The following SDK1 variants were observed in gnomAD, a reference collection of about 807,000 sequenced individuals.
The protein encoded by SDK1 is protein sidekick-1.
A neutral mutation model predicts 245.5 loss-of-function variants in SDK1; 157 were observed. That is an observed-to-expected ratio of 0.64 (90% CI 0.56 to 0.73). The LOEUF is 0.73. Ranked by LOEUF, SDK1 falls within the 30% of genes least tolerant of loss-of-function variation. SDK1 has a pLI of 0.00. For missense variants in SDK1, 3,583 were observed against 3,002.3 expected, an observed-to-expected ratio of 1.19 and a Z score of -4.52; for synonymous variants, 1,647 against 1,278.5, an observed-to-expected ratio of 1.29 and a Z score of -6.15.
rs774714368 is a variant in SDK1 at position 3,962,645 on chromosome 7, A to G, written c.1235-12A>G. 6.3e-7 allele frequency: 1 copy of G among 1,588,668 alleles called. No individual in the cohort carries two copies. The highest frequency in any genetic ancestry group is 8.6e-7 in the Non-Finnish European group (1 of 1,165,596). ...TATTTTTAAAATCCTATTTATTCCC[A>G]TTCCTACGCAGGGGTCCCCCTTCCC... On this transcript the variant is annotated splice_polypyrimidine_tract_variant and intron_variant, in intron 8 of 44. Transcript: ENST00000404826.
At chr7:3,626,774 A>G (rs1351670330) in intron 2 of SDK1, among the ~76,000 whole-genome samples, 1 of 152,190 alleles carries the variant, frequency 6.6e-6, no homozygotes, top group Non-Finnish European at 1.5e-5. Context: ...AGTAGGATGA[A>G]TTAGAGTCAA....
chr7:3,972,725 C>T (rs896197734), intron 12 of SDK1, among the ~76,000 whole-genome samples: 4 of 152,182 alleles, frequency 2.6e-5, no homozygotes, highest in African/African-American at 9.6e-5. Context: ...CAGTCAGCAG[C>T]GGGACGCGGA....
chr7:4,237,806 C>T (rs778115465), intron 42 of SDK1, 22 bp downstream of exon 42: 3 of 1,613,400 alleles, frequency 1.9e-6, no homozygotes, highest in South Asian at 1.1e-5. Context: ...GCCCCTTCCT[C>T]GCGTGTCCCA....
intron 1 of SDK1, among the ~76,000 whole-genome samples, chr7:3,466,982 AC>A: frequency 2.8e-5 from 1 of 36,026 alleles, no homozygotes; most frequent in African/African-American, 7.7e-5. Flanking sequence ...CTCTCTCTAC[AC>A]ACACACACAC....
chr7:3,828,813 G>A (rs1779843771), intron 5 of SDK1, among the ~76,000 whole-genome samples: 1 of 151,662 alleles, frequency 6.6e-6, no homozygotes, highest in Non-Finnish European at 1.5e-5. Flanking sequence ...CACCATACCT[G>A]GCTAATTTTT....
intron 1 of SDK1, among the ~76,000 whole-genome samples, chr7:3,406,981 G>A (rs1478252272): frequency 2.0e-5 from 3 of 146,370 alleles, no homozygotes; most frequent in Non-Finnish European, 4.5e-5. Flanking sequence ...GAATAAACTA[G>A]AGTGGATGAG....
At chr7:3,732,610 A>G (rs997949657) in intron 4 of SDK1, among the ~76,000 whole-genome samples, 7 of 152,220 alleles carry the variant, frequency 4.6e-5, no homozygotes, top group Admixed American at 1.3e-4. Flanking sequence ...CTCGGGAAGC[A>G]TTCAAAGAGA....
intron 17 of SDK1, among the ~76,000 whole-genome samples, chr7:4,020,509 A>G (rs1485106551): frequency 6.6e-6 from 1 of 152,158 alleles, no homozygotes; most frequent in Non-Finnish European, 1.5e-5. Flanking sequence ...TGGGGAGGTG[A>G]AGGGAAGACG....
chr7:3,473,079 G>A lies in SDK1; in HGVS notation c.299-146001G>A, dbSNP rs576181657. Among the ~76,000 whole-genome samples, 8 of 152,164 alleles carry A rather than the reference G, an allele frequency of 5.3e-5. No individual in the cohort carries two copies. The South Asian group carries it at 1.0e-3, about 20-fold the overall frequency. Reference sequence around the variant, plus strand: ...CATTTGCATGGCTTCTTACGATTTTGAAATTGTTTTCATATGTACACATTT... The same window carrying A: ...CATTTGCATGGCTTCTTACGATTTTAAAATTGTTTTCATATGTACACATTT... On this transcript the variant is annotated intron_variant, in intron 1 of 44. Coordinates refer to ENST00000404826, the MANE Select transcript of SDK1 (RefSeq NM_152744.4).
intron 13 of SDK1, among the ~76,000 whole-genome samples, chr7:3,977,758 C>T (rs181628442): frequency 1.2e-4 from 18 of 152,378 alleles, no homozygotes; most frequent in Non-Finnish European, 1.8e-4. Context: ...CCTCCTGGAA[C>T]AGAAGCACCT....
intron 13 of SDK1, among the ~76,000 whole-genome samples, chr7:3,982,486 G>A (rs1783487262): frequency 6.6e-6 from 1 of 152,166 alleles, no homozygotes; most frequent in Admixed American, 6.5e-5. Context: ...TTCCTCTGAT[G>A]GATCTGGGCA....
chr7:3,970,119 C>T (rs1782373573), intron 11 of SDK1, among the ~76,000 whole-genome samples: 1 of 152,214 alleles, frequency 6.6e-6, no homozygotes, highest in Non-Finnish European at 1.5e-5. Context: ...TGTCTCATCT[C>T]AATCTGTACT....
At chr7:3,502,530 TGAACC>T (rs1782249968) in intron 1 of SDK1, among the ~76,000 whole-genome samples, 1 of 152,228 alleles carries the variant, frequency 6.6e-6, no homozygotes, top group African/African-American at 2.4e-5. Context: ...ATTACAGGCG[TGAACC>T]GCCATTCCCA....
chr7:3,656,695 G>T (rs1016237581), intron 4 of SDK1, among the ~76,000 whole-genome samples: 51 of 151,592 alleles, frequency 3.4e-4, no homozygotes, highest in Non-Finnish European at 4.1e-4. Flanking sequence ...CTCATGACAA[G>T]CCTGGTCTTA....
chr7:3,579,671 C>T (rs983652428), intron 1 of SDK1, among the ~76,000 whole-genome samples: 2 of 151,928 alleles, frequency 1.3e-5, no homozygotes, highest in Non-Finnish European at 2.9e-5. Context: ...AAGTCTTGGC[C>T]AGTCCTGGTT....
At chr7:3,438,422 T>A (rs891466025) in intron 1 of SDK1, among the ~76,000 whole-genome samples, 2 of 152,242 alleles carry the variant, frequency 1.3e-5, no homozygotes, top group African/African-American at 4.8e-5. Context: ...CATTTACATA[T>A]GAGAGAAGCT....
intron 14 of SDK1, among the ~76,000 whole-genome samples, chr7:4,000,039 G>A (rs1361651637): frequency 1.3e-5 from 2 of 152,204 alleles, no homozygotes; most frequent in African/African-American, 2.4e-5. Context: ...CTGTCTGTGA[G>A]GCTCAGAGAG....
chr7:3,912,786 G>T (rs1779221657), intron 5 of SDK1, among the ~76,000 whole-genome samples: 1 of 152,246 alleles, frequency 6.6e-6, no homozygotes, highest in African/African-American at 2.4e-5. Flanking sequence ...AGACCTAAGG[G>T]ACTTGGCAGC....
chr7:3,565,756 G>C (rs1779893617), intron 1 of SDK1, among the ~76,000 whole-genome samples: 2 of 152,146 alleles, frequency 1.3e-5, no homozygotes, highest in South Asian at 2.1e-4. Flanking sequence ...TATACAACTT[G>C]ATATAATGTA....
Sources: allele counts gnomAD v4.1 joint callset (sites outside exome capture counted in the v4.1 genomes callset), GRCh38; gene constraint gnomAD v4.1.1; transcripts MANE v1.5; gene names NCBI Gene and HGNC (gene_info 2026-07-23, HGNC 2026-07-21).